CNTN5: variants seen among roughly 807,000 people sequenced by gnomAD.
CNTN5 encodes contactin-5.
Under a neutral mutation model 129.1 loss-of-function variants are expected in CNTN5, and 77 were observed. The observed-to-expected ratio is 0.60, with a 90% CI of 0.50 to 0.72. The LOEUF (loss-of-function observed/expected upper bound fraction) is 0.72, where lower values mean the gene tolerates loss of function less well. Among genes scored for constraint, CNTN5 ranks in the 30% least tolerant of loss-of-function variants. The pLI, the probability that CNTN5 is intolerant of heterozygous loss-of-function variation, is 0.00. For missense variants in CNTN5, 1,478 were observed against 1,328.8 expected (o/e 1.11, Z -1.75); for synonymous variants, 509 against 465.6 (o/e 1.09, Z -1.20).
chr11:99,029,101 AT>A (rs1173189978), intron 1 of CNTN5, among the ~76,000 whole-genome samples: 1 of 151,524 alleles, frequency 6.6e-6, no homozygotes, highest in East Asian at 1.9e-4. Context: ...ACAAGAAAAA[AT>A]ATCTACTTTT....
At chr11:99,620,217 G>T (rs1394348577) in intron 3 of CNTN5, among the ~76,000 whole-genome samples, 1 of 152,038 alleles carries the variant, frequency 6.6e-6, no homozygotes, top group Non-Finnish European at 1.5e-5. Context: ...CGTTAAGCTT[G>T]TCCTCAAGGC....
intron 9 of CNTN5, among the ~76,000 whole-genome samples, chr11:100,028,826 T>C (rs1941557981): frequency 6.6e-6 from 1 of 152,250 alleles, no homozygotes; most frequent in South Asian, 2.1e-4. Context: ...TAGTTCTATC[T>C]TTCCCAAACA....
At chr11:99,367,129 T>C (rs988111895) in intron 2 of CNTN5, among the ~76,000 whole-genome samples, 4 of 152,168 alleles carry the variant, frequency 2.6e-5, no homozygotes, top group Non-Finnish European at 5.9e-5. Flanking sequence ...AAGGATTTAA[T>C]CACCTGAAAT....
At chr11:99,717,334 T>C (rs931935096) in intron 3 of CNTN5, among the ~76,000 whole-genome samples, 2 of 152,072 alleles carry the variant, frequency 1.3e-5, no homozygotes, top group African/African-American at 4.8e-5. Flanking sequence ...ACAGACACAT[T>C]GTTTCTATTT....
At chr11:99,193,133 T>A (rs934113214) in intron 1 of CNTN5, among the ~76,000 whole-genome samples, 1 of 152,134 alleles carries the variant, frequency 6.6e-6, no homozygotes, top group African/African-American at 2.4e-5. Flanking sequence ...TGCTACAGAT[T>A]TACTGTAAAT....
chr11:99,334,573 T>C (rs1866140223), intron 2 of CNTN5, among the ~76,000 whole-genome samples: 1 of 152,104 alleles, frequency 6.6e-6, no homozygotes, highest in Admixed American at 6.6e-5. Context: ...ACTGAGCCAC[T>C]TCCTAAGCAA....
chr11:99,786,192 G>A (rs1223658915), intron 3 of CNTN5, among the ~76,000 whole-genome samples: 1 of 151,998 alleles, frequency 6.6e-6, no homozygotes, highest in African/African-American at 2.4e-5. Flanking sequence ...AAAATCAAAA[G>A]AATTCCTATA....
intron 2 of CNTN5, among the ~76,000 whole-genome samples, chr11:99,370,440 TAAG>T (rs1939756216): frequency 6.6e-6 from 1 of 152,204 alleles, no homozygotes; most frequent in Non-Finnish European, 1.5e-5. Context: ...GCTTGACTCT[TAAG>T]AAGTATTGAA....
At chr11:99,022,584 T>A (rs977030564) in intron 1 of CNTN5, among the ~76,000 whole-genome samples, 1 of 152,096 alleles carries the variant, frequency 6.6e-6, no homozygotes, top group East Asian at 1.9e-4. Flanking sequence ...ACTCTGACTC[T>A]AATCGAAAAG....
In CNTN5 at chr11:99,573,646, A is replaced by G. The variant is rs548242813; in HGVS notation, c.55+17377A>G. Reference sequence around the variant, plus strand: ...AGCTTCCAGGAATGAATTTTTTTCTATTGAGACGGAGTCTCGCTCTATTGC... The same window carrying G: ...AGCTTCCAGGAATGAATTTTTTTCTGTTGAGACGGAGTCTCGCTCTATTGC... On this transcript the variant is annotated intron_variant, in intron 3 of 24. Transcript: ENST00000524871. Among the ~76,000 whole-genome samples, 4 of 151,938 alleles carry G rather than the reference A, an allele frequency of 2.6e-5. No homozygotes were observed. In the East Asian group the frequency reaches 5.9e-4, roughly 22 times the overall value.
intron 8 of CNTN5, among the ~76,000 whole-genome samples, chr11:99,997,482 ACAACAGGAGCTGCAATTGTGGCAAT>A (rs1193125194): frequency 3.3e-5 from 5 of 152,228 alleles, no homozygotes; most frequent in Non-Finnish European, 7.3e-5. Flanking sequence ...GAATAGACCA[ACAACAGGAGCTGCAATTGTGGCAAT>A]AATCAATAGC....
chr11:99,452,377 T>TTTTTG (rs398045471), intron 2 of CNTN5, among the ~76,000 whole-genome samples: 24 of 145,952 alleles, frequency 1.6e-4, no homozygotes, highest in African/African-American at 6.1e-4. Context: ...CAGGTGTTTT[T>TTTTTG]TTTTTTTTTT....
intron 6 of CNTN5, among the ~76,000 whole-genome samples, chr11:99,847,428 T>G (rs2135708985): frequency 6.6e-6 from 1 of 152,354 alleles, no homozygotes; most frequent in South Asian, 2.1e-4. Flanking sequence ...TAGAGCAATA[T>G]CTGCTTATTT....
intron 3 of CNTN5, among the ~76,000 whole-genome samples, chr11:99,736,201 G>A (rs1202826608): frequency 2.0e-5 from 3 of 152,106 alleles, no homozygotes; most frequent in Admixed American, 1.3e-4. Context: ...AAAGTTGCAG[G>A]GCTAGACAGA....
At chr11:100,318,050 G>A (rs2138950935) in intron 21 of CNTN5, among the ~76,000 whole-genome samples, 1 of 151,992 alleles carries the variant, frequency 6.6e-6, no homozygotes, top group Non-Finnish European at 1.5e-5. Flanking sequence ...GAGCATCCTG[G>A]CTAACACAGT....
At chr11:99,656,121 A>G (rs750769544) in intron 3 of CNTN5, among the ~76,000 whole-genome samples, 2 of 152,080 alleles carry the variant, frequency 1.3e-5, no homozygotes, top group Non-Finnish European at 2.9e-5. Context: ...ATGGAGTATT[A>G]AAAGCCCACA....
intron 2 of CNTN5, among the ~76,000 whole-genome samples, chr11:99,356,964 C>T (rs113043018): frequency 3.7e-4 from 57 of 152,220 alleles, no homozygotes; most frequent in Admixed American, 1.1e-3. Flanking sequence ...CACCAAGTGT[C>T]ATGATTGTCA....
At chr11:99,454,355 G>A (rs1944417229) in intron 2 of CNTN5, among the ~76,000 whole-genome samples, 1 of 152,078 alleles carries the variant, frequency 6.6e-6, no homozygotes, top group African/African-American at 2.4e-5. Context: ...ATGGGTCAAG[G>A]GTGGGACCAA....
In CNTN5 at chr11:99,755,077, A is replaced by G. The variant is rs189040636; in HGVS notation, c.56-64467A>G. 8.7e-3 allele frequency among the ~76,000 whole-genome samples: 1,325 copies of G among 152,124 alleles called. 15 individuals are homozygous for G. The highest frequency in any genetic ancestry group is 0.01 in the Non-Finnish European group (707 of 67,972). ...ATACTCATTTAAGGCTTGATAGCTCATTTCTTGTTAGCAATGAAAAATACT... is the reference window on the plus strand; with the variant it reads ...ATACTCATTTAAGGCTTGATAGCTCGTTTCTTGTTAGCAATGAAAAATACT... On this transcript the variant is annotated intron_variant, in intron 3 of 24. Coordinates refer to ENST00000524871, the MANE Select transcript of CNTN5 (RefSeq NM_014361.4).
Sources: allele counts gnomAD v4.1 joint callset (sites outside exome capture counted in the v4.1 genomes callset), GRCh38; gene constraint gnomAD v4.1.1; transcripts MANE v1.5; gene names NCBI Gene and HGNC (gene_info 2026-07-23, HGNC 2026-07-21).